Variants in ADGRA3 observed in about 807,000 individuals in gnomAD.
The protein encoded by ADGRA3 is adhesion G protein-coupled receptor A3.
A neutral mutation model predicts 119.8 loss-of-function variants in ADGRA3; 56 were observed. The observed-to-expected ratio is 0.47, with a 90% CI of 0.38 to 0.58. The LOEUF (loss-of-function observed/expected upper bound fraction) is 0.58, where lower values mean the gene tolerates loss of function less well. Among genes scored for constraint, ADGRA3 ranks in the 20% least tolerant of loss-of-function variants. The probability of loss-of-function intolerance (pLI) is 0.00; values close to 1 mark genes in which losing one functional copy is unlikely to be tolerated. For synonymous variants in ADGRA3, 607 were observed against 623.8 expected, an observed-to-expected ratio of 0.97 and a Z score of 0.40; for missense variants, 1,516 against 1,649.0, an observed-to-expected ratio of 0.92 and a Z score of 1.40.
In ADGRA3 at chr4:22,515,650, G is replaced by C. The variant is rs1479146029; in HGVS notation, c.135C>G (p.His45Gln). ...TGCCAGCCCCTCGGGGCCGCCCATC[G>C]TGCTTGCAGCCGGCGGGCAGCGCCG... Reference protein sequence around the residue: ...GAAALPAGCKHDGRPRGAGRA... With the variant: ...GAAALPAGCKQDGRPRGAGRA... The change falls in exon 1 of 19, where the codon CAC becomes CAG. Residue 45 changes from histidine to glutamine, a missense_variant. His to Gln is a conservative substitution (Grantham distance 24). Around this residue, in one of 2 missense-constraint regions of ADGRA3, gnomAD observed 428 missense variants for 541.9 expected, o/e 0.79. Coordinates refer to ENST00000334304, the MANE Select transcript of ADGRA3 (RefSeq NM_145290.4). The C allele has an allele frequency of 3.7e-6, 5 of 1,358,620 alleles. No individual in the cohort carries two copies. Among genetic ancestry groups the C allele is most frequent in the Non-Finnish European group, 4.8e-6 (5 of 1,045,170 alleles). The allele number at this position is 1,358,620 out of a possible 1,614,324, so 84.2% of individuals were successfully genotyped here. A position where few individuals can be genotyped will look rare whatever the true frequency, so the allele number is the denominator to read the frequency against.
In ADGRA3 at chr4:22,511,805, C is replaced by A. The variant is rs11933281; in HGVS notation, c.257+3723G>T. 9.9e-3 allele frequency among the ~76,000 whole-genome samples: 1,504 copies of A among 152,142 alleles called. 23 individuals are homozygous for A. Among genetic ancestry groups the A allele is most frequent in the African/African-American group, 0.031 (1,289 of 41,534 alleles). ...AACCAGATACTGTCCTCTCCAAACC[C>A]GTGGGCACCTGGGGTCCCCCACTTC... On this transcript the variant is annotated intron_variant, in intron 1 of 18. Coordinates refer to ENST00000334304, the MANE Select transcript of ADGRA3 (RefSeq NM_145290.4).
At chr4:22,515,401 G>A in intron 1 of ADGRA3, 127 bp downstream of exon 1, 2 of 1,198,070 alleles carry the variant, frequency 1.7e-6, no homozygotes, top group Non-Finnish European at 2.2e-6. Context: ...GTCTTTCCTA[G>A]CACCGCCCCC....
chr4:22,459,471 T>G lies in ADGRA3; in HGVS notation c.401+2266A>C, dbSNP rs76114705. Among the ~76,000 whole-genome samples, 505 of 150,466 alleles carry G rather than the reference T, an allele frequency of 3.4e-3. 7 individuals are homozygous for G. Among genetic ancestry groups the G allele is most frequent in the East Asian group, 0.033 (169 of 5,146 alleles). On this transcript the variant is annotated intron_variant, in intron 3 of 18. Coordinates refer to ENST00000334304, the MANE Select transcript of ADGRA3 (RefSeq NM_145290.4). ...GCACTTGTACCCCTGAACTAAAAAGTTAAAAAAAAAAATAAAGAAATAGGT... is the reference window on the plus strand; with the variant it reads ...GCACTTGTACCCCTGAACTAAAAAGGTAAAAAAAAAAATAAAGAAATAGGT...
chr4:22,424,237 C>T lies in ADGRA3; in HGVS notation c.1559G>A (p.Arg520His), dbSNP rs372207735. 36 of 1,613,068 alleles carry T rather than the reference C, an allele frequency of 2.2e-5. No homozygotes were observed. Among genetic ancestry groups the T allele is most frequent in the Middle Eastern group, 3.6e-4 (2 of 5,604 alleles). ...ACSRIVQCLQRIATYRLAGGA... is the reference protein window; with the variant it reads ...ACSRIVQCLQHIATYRLAGGA... ...ACCGGCTAGCCGGTAGGTAGCAATG[C>T]GCTGAAGACACTGCACAATCCTACT... is the stretch of plus-strand genomic sequence containing the variant. The change falls in exon 11 of 19, where the codon CGC (arginine) becomes CAC (histidine). Residue 520 changes from arginine (R) to histidine (H), a missense_variant. Arg to His is a conservative substitution (Grantham distance 29, BLOSUM62 0). This residue lies in a region of ADGRA3 where 1,088 missense variants were observed against 1,107.1 expected (regional missense o/e 0.98). Coordinates refer to ENST00000334304, the MANE Select transcript of ADGRA3 (RefSeq NM_145290.4).
rs1183905881 is a variant in ADGRA3, at chr4:22,388,336, C to A, written c.3335G>T (p.Gly1112Val). The A allele has an allele frequency of 6.2e-7, 1 of 1,614,054 alleles. No homozygotes were observed. Among genetic ancestry groups the A allele is most frequent in the Admixed American group, 1.7e-5 (1 of 60,014 alleles). ...CGCCTGCAAGTTTGTTAATTTGCAG[C>A]CCTGGGAGGAATTTTTGAAGCTTGA... The part of the protein sequence containing the change: ...SASSFKNSSQ[G>V]CKLTNLQAAA... The change falls in exon 19 of 19, where the codon GGC (glycine) becomes GTC (valine). Residue 1112 changes from glycine (G) to valine (V), a missense_variant. Around this residue, in one of 2 missense-constraint regions of ADGRA3, gnomAD observed 1,088 missense variants for 1,107.1 expected, o/e 0.98. Coordinates refer to ENST00000334304, the MANE Select transcript of ADGRA3 (RefSeq NM_145290.4).
intron 17 of ADGRA3, among the ~76,000 whole-genome samples, chr4:22,390,282 C>T (rs1372835501): frequency 6.9e-6 from 1 of 145,234 alleles, no homozygotes; most frequent in Non-Finnish European, 1.5e-5. Flanking sequence ...TCTTTAAAAT[C>T]TTCTCTATTG....
At chr4:22,488,214 T>C (rs893014577) in intron 1 of ADGRA3, among the ~76,000 whole-genome samples, 2 of 152,294 alleles carry the variant, frequency 1.3e-5, no homozygotes, top group Middle Eastern at 3.4e-3. Flanking sequence ...TGCTTTCACA[T>C]GTATAGGGTT....
At chr4:22,438,933 G>A (rs138838917) in intron 7 of ADGRA3, among the ~76,000 whole-genome samples, 1,626 of 152,186 alleles carry the variant, frequency 0.011, 21 homozygotes, top group African/African-American at 0.034. Flanking sequence ...CCCAGGAGGC[G>A]GAGGTTGCAG....
intron 10 of ADGRA3, among the ~76,000 whole-genome samples, chr4:22,426,423 A>C (rs1715933470): frequency 6.6e-6 from 1 of 152,202 alleles, no homozygotes; most frequent in Non-Finnish European, 1.5e-5. Flanking sequence ...AGAAGCCAAC[A>C]GTTATCAATG....
intron 6 of ADGRA3, among the ~76,000 whole-genome samples, chr4:22,443,614 T>C (rs1371856108): frequency 6.6e-6 from 1 of 152,192 alleles, no homozygotes; most frequent in Non-Finnish European, 1.5e-5. Flanking sequence ...AGAGAAGTTG[T>C]TAAACTATGG....
intron 1 of ADGRA3, among the ~76,000 whole-genome samples, chr4:22,499,343 T>C (rs1023812901): frequency 6.6e-6 from 1 of 152,180 alleles, no homozygotes; most frequent in Non-Finnish European, 1.5e-5. Flanking sequence ...AAAACCTCGT[T>C]TTACTAGTCA....
chr4:22,475,721 C>T (rs1189981632), intron 1 of ADGRA3, among the ~76,000 whole-genome samples: 45 of 149,178 alleles, frequency 3.0e-4, no homozygotes, highest in African/African-American at 1.1e-3. Flanking sequence ...AGCGAGACTC[C>T]GTCTCGGAAA....
At position 22,503,511 on chromosome 4, in the gene ADGRA3, CTCTT is replaced by C. The variant is rs1719123746; in HGVS notation, c.257+12013_257+12016del. ...CATTACAGTTATATCTCCATACTTG[CTCTT>C]TCTTTCAATTAACTAGAAGGAGGCA... On this transcript the variant is annotated intron_variant, in intron 1 of 18. Coordinates refer to ENST00000334304, the MANE Select transcript of ADGRA3 (RefSeq NM_145290.4). 2.0e-5 allele frequency among the ~76,000 whole-genome samples: 3 copies of C among 152,298 alleles called. No homozygotes were observed. In the South Asian group the frequency reaches 6.2e-4, roughly 32 times the overall value.
intron 1 of ADGRA3, chr4:22,478,298 G>A (rs1330924122): frequency 6.6e-6 from 1 of 152,130 alleles, no homozygotes; most frequent in African/African-American, 2.4e-5. Flanking sequence ...AAAAGTTTAT[G>A]GAGCAGAAGA....
intron 1 of ADGRA3, among the ~76,000 whole-genome samples, chr4:22,508,652 T>C (rs1460995222): frequency 6.6e-6 from 1 of 152,118 alleles, no homozygotes; most frequent in Non-Finnish European, 1.5e-5. Context: ...ATCACTTTGC[T>C]CCTCTCTCCC....
intron 1 of ADGRA3, among the ~76,000 whole-genome samples, chr4:22,503,935 C>G (rs915531591): frequency 3.3e-5 from 5 of 152,098 alleles, no homozygotes; most frequent in Non-Finnish European, 7.4e-5. Context: ...AAGAACAATT[C>G]TTGAACATGA....
intron 1 of ADGRA3, among the ~76,000 whole-genome samples, chr4:22,483,190 T>C (rs7673893): frequency 0.62 from 94,621 of 151,998 alleles, 30,454 homozygotes; most frequent in Non-Finnish European, 0.7. Flanking sequence ...TTTCTCTCTT[T>C]ATTTTTCATA....
chr4:22,512,631 G>C (rs538244836), intron 1 of ADGRA3, among the ~76,000 whole-genome samples: 3 of 152,100 alleles, frequency 2.0e-5, no homozygotes, highest in Non-Finnish European at 4.4e-5. Context: ...GACACACAGG[G>C]AGAAGGCCAA....
chr4:22,421,607 C>T (rs1715684356), intron 11 of ADGRA3, among the ~76,000 whole-genome samples: 1 of 152,064 alleles, frequency 6.6e-6, no homozygotes, highest in Non-Finnish European at 1.5e-5. Flanking sequence ...ACACACTCTC[C>T]AAAGCTGTTT....
Sources: allele counts gnomAD v4.1 joint callset (sites outside exome capture counted in the v4.1 genomes callset), GRCh38; gene constraint gnomAD v4.1.1; regional missense constraint gnomAD v4.1.1; transcripts MANE v1.5; gene names NCBI Gene and HGNC (gene_info 2026-07-23, HGNC 2026-07-21).